Variants in PPP3CC observed in about 807,000 individuals in gnomAD.
PPP3CC encodes the protein serine/threonine-protein phosphatase 2B catalytic subunit gamma isoform.
PPP3CC carries 35 observed loss-of-function variants against 60.3 expected under a neutral mutation model. The ratio of observed to expected loss-of-function variants is 0.58; its 90% CI spans 0.44 to 0.77. The LOEUF is 0.77. Among genes scored for constraint, PPP3CC ranks in the 30% least tolerant of loss-of-function variants. The pLI is 0.00. For missense variants in PPP3CC, 570 were observed against 628.9 expected, an observed-to-expected ratio of 0.91 and a Z score of 1.00; for synonymous variants, 206 against 224.3, an observed-to-expected ratio of 0.92 and a Z score of 0.73.
At chr8:22,492,687 A>T (rs74985144) in intron 3 of PPP3CC, 1 of 842,616 alleles carries the variant, frequency 1.2e-6, no homozygotes, top group African/African-American at 1.7e-5. Flanking sequence ...GGTGGGAAAG[A>T]AATGGTTCAC....
intron 1 of PPP3CC, among the ~76,000 whole-genome samples, chr8:22,456,525 A>G (rs537701736): frequency 2.6e-5 from 4 of 152,294 alleles, no homozygotes; most frequent in Admixed American, 2.6e-4. Context: ...CCGTGTCAGT[A>G]TCCCACACCA....
intron 1 of PPP3CC, among the ~76,000 whole-genome samples, chr8:22,451,818 A>G (rs946395151): frequency 6.6e-6 from 1 of 152,232 alleles, no homozygotes; most frequent in Non-Finnish European, 1.5e-5. Flanking sequence ...CATTCTGTGT[A>G]TATGAAACAT....
intron 4 of PPP3CC, among the ~76,000 whole-genome samples, chr8:22,508,473 ATATAACATGAACTTC>A (rs1838990536): frequency 6.6e-6 from 1 of 152,176 alleles, no homozygotes; most frequent in Non-Finnish European, 1.5e-5. Context: ...TCACATATTA[ATATAACATGAACTTC>A]TTTTTGCTTA....
At chr8:22,507,230 T>C (rs1838952533) in intron 4 of PPP3CC, among the ~76,000 whole-genome samples, 1 of 151,996 alleles carries the variant, frequency 6.6e-6, no homozygotes, top group Admixed American at 6.5e-5. Flanking sequence ...TCAAAATTGC[T>C]TTCAGATAAT....
chr8:22,510,029 C>T (rs926988993), intron 4 of PPP3CC, among the ~76,000 whole-genome samples: 1 of 149,272 alleles, frequency 6.7e-6, no homozygotes, highest in East Asian at 2.1e-4. Flanking sequence ...ACTAAAAATA[C>T]AAAAATTAGC....
intron 1 of PPP3CC, among the ~76,000 whole-genome samples, chr8:22,441,708 T>A (rs28654839): frequency 0.18 from 26,636 of 151,924 alleles, 4,464 homozygotes; most frequent in African/African-American, 0.44. Context: ...AGTGGGGACT[T>A]CTTCTCCCAC....
chr8:22,459,270 A>T lies in PPP3CC; in HGVS notation c.50-15684A>T, dbSNP rs181195914. Among the ~76,000 whole-genome samples the T allele has an allele frequency of 2.8e-3, 423 of 152,282 alleles. 1 individual carries two copies. Among genetic ancestry groups the T allele is most frequent in the African/African-American group, 9.5e-3 (394 of 41,556 alleles). On this transcript the variant is annotated intron_variant, in intron 1 of 13. Coordinates refer to ENST00000240139, the MANE Select transcript of PPP3CC (RefSeq NM_005605.5). ...GTGATTTGTTATTTTTTAAATCTCT[A>T]TTCTCTTTTTAATACAGAGCTGCAA... is the stretch of plus-strand genomic sequence containing the variant.
intron 1 of PPP3CC, among the ~76,000 whole-genome samples, chr8:22,461,385 C>A (rs1258072733): frequency 6.6e-6 from 1 of 152,114 alleles, no homozygotes. Flanking sequence ...CCAAAACACT[C>A]TGATTCCTGG....
At chr8:22,467,322 GAATT>G (rs1304826752) in intron 1 of PPP3CC, among the ~76,000 whole-genome samples, 2 of 152,264 alleles carry the variant, frequency 1.3e-5, no homozygotes, top group African/African-American at 4.8e-5. Flanking sequence ...TTATTTGAAT[GAATT>G]AATTGAGGAT....
At chr8:22,477,295 G>A (rs923602931) in intron 3 of PPP3CC, among the ~76,000 whole-genome samples, 12 of 152,160 alleles carry the variant, frequency 7.9e-5, no homozygotes, top group South Asian at 4.2e-4. Context: ...TGGCCAACAT[G>A]GTGAAACCCC....
chr8:22,470,224 C>T (rs944447027), intron 1 of PPP3CC, among the ~76,000 whole-genome samples: 2 of 151,868 alleles, frequency 1.3e-5, no homozygotes, highest in Non-Finnish European at 2.9e-5. Flanking sequence ...TGGGCTCAAG[C>T]GTTCCTCCTG....
intron 1 of PPP3CC, among the ~76,000 whole-genome samples, chr8:22,445,694 G>A (rs1468497203): frequency 6.6e-6 from 1 of 152,096 alleles, no homozygotes; most frequent in African/African-American, 2.4e-5. Flanking sequence ...TTTCAGTGGG[G>A]ACACATTAGT....
At chr8:22,533,556 G>A (rs1274041818) in intron 12 of PPP3CC, among the ~76,000 whole-genome samples, 2 of 152,250 alleles carry the variant, frequency 1.3e-5, no homozygotes, top group African/African-American at 4.8e-5. Flanking sequence ...CTGGCACAGT[G>A]GCTCACGCCT....
chr8:22,490,359 C>G (rs1054441295), intron 3 of PPP3CC, among the ~76,000 whole-genome samples: 8 of 152,188 alleles, frequency 5.3e-5, no homozygotes, highest in Non-Finnish European at 8.8e-5. Flanking sequence ...ATGCTGTTTA[C>G]CACACTTTGA....
intron 4 of PPP3CC, 92 bp downstream of exon 4, chr8:22,498,204 T>A: frequency 1.4e-6 from 1 of 709,768 alleles, no homozygotes; most frequent in Non-Finnish European, 2.2e-6. Context: ...CTAATAGAAT[T>A]TAAATGCTTC....
At chr8:22,469,781 T>G (rs186734666) in intron 1 of PPP3CC, among the ~76,000 whole-genome samples, 32 of 151,996 alleles carry the variant, frequency 2.1e-4, no homozygotes, top group Non-Finnish European at 4.3e-4. Flanking sequence ...CCCCAGAAGT[T>G]GCGGAGCAGA....
chr8:22,511,072 T>TC lies in PPP3CC; in HGVS notation c.485-12dup, dbSNP rs1349104732. On this transcript the variant is annotated splice_polypyrimidine_tract_variant and intron_variant, in intron 4 of 13. Coordinates refer to ENST00000240139, the MANE Select transcript of PPP3CC (RefSeq NM_005605.5). ...TTTTAGTTCTTCCATTGACTGGTTT[T>TC]CCTTTTTTGTTAGGTCGAATCAAAT... is the stretch of plus-strand genomic sequence containing the variant. 3 of 1,612,984 alleles carry TC rather than the reference T, an allele frequency of 1.9e-6. No individual in the cohort carries two copies. In the African/African-American group the frequency reaches 4.0e-5, roughly 22 times the overall value.
At chr8:22,536,622 GTAAT>G (rs1456794262) in intron 12 of PPP3CC, among the ~76,000 whole-genome samples, 1 of 152,234 alleles carries the variant, frequency 6.6e-6, no homozygotes, top group Non-Finnish European at 1.5e-5. Flanking sequence ...GAAATCTTCA[GTAAT>G]GTGTGAGAAC....
At chr8:22,499,058 A>C (rs984436089) in intron 4 of PPP3CC, among the ~76,000 whole-genome samples, 1 of 151,462 alleles carries the variant, frequency 6.6e-6, no homozygotes, top group South Asian at 2.1e-4. Context: ...CGGGAGATGG[A>C]GGTTGTGGTG....
Sources: allele counts gnomAD v4.1 joint callset (sites outside exome capture counted in the v4.1 genomes callset), GRCh38; gene constraint gnomAD v4.1.1; transcripts MANE v1.5; gene names NCBI Gene and HGNC (gene_info 2026-07-23, HGNC 2026-07-21).